The following KLC3 variants were observed in gnomAD, a reference collection of about 807,000 sequenced individuals.
KLC3 encodes the protein kinesin light chain 2.
A neutral mutation model predicts 62.9 loss-of-function variants in KLC3; 72 were observed. That is an observed-to-expected ratio of 1.15 (90% confidence interval 0.95 to 1.39). KLC3 has a LOEUF of 1.39. Ranked by LOEUF, KLC3 falls within the 40% of genes most tolerant of loss-of-function variation. KLC3 has a pLI of 0.00. For synonymous variants in KLC3, 377 were observed against 300.5 expected (o/e 1.25, Z -2.63); for missense variants, 848 against 691.6 (o/e 1.23, Z -2.54).
chr19:45,351,056 G>A, intron 12 of KLC3, 39 bp downstream of exon 12: 1 of 1,613,936 alleles, frequency 6.2e-7, no homozygotes, highest in Non-Finnish European at 8.5e-7. Flanking sequence ...AGGAGGCCAT[G>A]TGGGTAGGTG....
Position 45,345,492 on chromosome 19 carries a change from C to T in KLC3, c.-8-42C>T, listed in dbSNP as rs1411805496. ...TAGAGGCTGGGGGCCAACTGACTGGCCCGGGCAATGATTCCCCAAACCCCT... is the reference window on the plus strand; with the variant it reads ...TAGAGGCTGGGGGCCAACTGACTGGTCCGGGCAATGATTCCCCAAACCCCT... On this transcript the variant is annotated intron_variant, in intron 1 of 12. Transcript: ENST00000391946. 2.6e-6 allele frequency: 4 copies of T among 1,550,960 alleles called. No homozygotes were observed. The East Asian group carries it at 7.3e-5, about 28-fold the overall frequency.
At position 45,350,545 on chromosome 19, in the gene KLC3, A is replaced by C; in HGVS notation, c.1266A>C (p.Ala422=). Residue 422 remains alanine, a synonymous_variant, in exon 10 of 13, where the codon GCA becomes GCC. Coordinates refer to ENST00000391946, the MANE Select transcript of KLC3 (RefSeq NM_177417.3). The part of the protein sequence containing the change: ...GAPNTGTAGD[A]EQALRRSSSL... ...CCAACACAGGCACAGCTGGTGACGC[A>C]GAACAGGTGAGGATGGGCTGTGCTT... 1.2e-6 allele frequency: 2 copies of C among 1,613,764 alleles called. No individual in the cohort carries two copies. The highest frequency in any genetic ancestry group is 1.7e-6 in the Non-Finnish European group (2 of 1,179,944).
Position 45,348,812 on chromosome 19 carries a change from C to G in KLC3, c.868-8C>G, listed in dbSNP as rs770753305. On this transcript the variant is annotated splice_polypyrimidine_tract_variant and splice_region_variant and intron_variant, in intron 6 of 12. Transcript: ENST00000391946. Reference sequence around the variant, plus strand: ...CATCCCTGACCTGTGCCTCCCCCAACCCCGCAGGTGGCCGCCACGCTCAAC... The same window carrying G: ...CATCCCTGACCTGTGCCTCCCCCAAGCCCGCAGGTGGCCGCCACGCTCAAC... 2.9e-5 allele frequency: 46 copies of G among 1,563,702 alleles called. No homozygotes were observed. The highest frequency in any genetic ancestry group is 1.7e-4 in the Middle Eastern group (1 of 5,998).
rs1568523644 is a variant in KLC3 at position 45,347,924 on chromosome 19, C to T, written c.560-17C>T. ...AGGAGGCTTGCAGTGACCCAGAGCC[C>T]ACCCCACCCCACCTAGGTCCTGAGG... On this transcript the variant is annotated splice_polypyrimidine_tract_variant and intron_variant, in intron 4 of 12. Coordinates refer to ENST00000391946, the MANE Select transcript of KLC3 (RefSeq NM_177417.3). 1.3e-6 allele frequency: 2 copies of T among 1,581,118 alleles called. No homozygotes were observed. Among genetic ancestry groups the T allele is most frequent in the South Asian group, 1.1e-5 (1 of 87,182 alleles).
intron 11 of KLC3, 92 bp from the exon 12 acceptor site, chr19:45,350,862 A>C (rs1971724453): frequency 1.4e-6 from 2 of 1,464,724 alleles, no homozygotes; most frequent in Middle Eastern, 1.7e-4. Flanking sequence ...CCCCTGTGAT[A>C]CACACAGATC....
At chr19:45,341,185 T>TG (rs1491535062) in intron 1 of KLC3, among the ~76,000 whole-genome samples, 9,204 of 75,798 alleles carry the variant, frequency 0.12, 446 homozygotes, top group African/African-American at 0.31. Context: ...CCTGCCTGTG[T>TG]TTGTGTGTGT....
chr19:45,341,574 T>TGA (rs1202070798), intron 1 of KLC3, among the ~76,000 whole-genome samples: 2 of 124,278 alleles, frequency 1.6e-5, no homozygotes, highest in Non-Finnish European at 3.8e-5. Flanking sequence ...TGTGTGTGTG[T>TGA]GTGTGCGCGC....
chr19:45,349,253 C>T (rs1465344529), intron 7 of KLC3, among the ~76,000 whole-genome samples, 176 bp from the exon 8 acceptor site: 1 of 152,178 alleles, frequency 6.6e-6, no homozygotes, highest in Non-Finnish European at 1.5e-5. Flanking sequence ...ACCACCATGA[C>T]CTCTGACCTT....
chr19:45,349,303 C>T, intron 7 of KLC3, 126 bp from the exon 8 acceptor site: 1 of 985,020 alleles, frequency 1.0e-6, no homozygotes, highest in Non-Finnish European at 1.5e-6. Context: ...TCCCCAGCCC[C>T]CAACCTCTCA....
chr19:45,349,570 G>A lies in KLC3; in HGVS notation c.1111G>A (p.Asp371Asn), dbSNP rs761851594. 1 of 1,613,430 alleles carries A rather than the reference G, an allele frequency of 6.2e-7. No homozygotes were observed. The highest frequency in any genetic ancestry group is 8.5e-7 in the Non-Finnish European group (1 of 1,179,590). ...SIYEALGGPHDPNVAKTKNNL... is the reference protein window; with the variant it reads ...SIYEALGGPHNPNVAKTKNNL... ...CTATGAGGCACTGGGCGGGCCCCAT[G>A]ACCCCAACGTGGCCAAGACCAAGAA... Residue 371 changes from aspartate (D) to asparagine (N), a missense_variant, in exon 8 of 13, where the codon GAC (aspartate) becomes AAC (asparagine). Coordinates refer to ENST00000391946, the MANE Select transcript of KLC3 (RefSeq NM_177417.3).
chr19:45,345,570 G>A lies in KLC3; in HGVS notation c.29G>A (p.Ser10Asn), dbSNP rs1445509872. ...TCTGTGCAGGTAGCGGCTCCTGGAAGTGCAGGGCTGGGCCCAGAGCGCCTG... is the reference window on the plus strand; with the variant it reads ...TCTGTGCAGGTAGCGGCTCCTGGAAATGCAGGGCTGGGCCCAGAGCGCCTG... MSVQVAAPGSAGLGPERLSP... is the reference protein window; with the variant it reads MSVQVAAPGNAGLGPERLSP... Residue 10 changes from serine (S) to asparagine (N), a missense_variant, in exon 2 of 13, where the codon AGT becomes AAT. Ser to Asn is a conservative substitution (Grantham distance 46, BLOSUM62 1). Coordinates refer to ENST00000391946, the MANE Select transcript of KLC3 (RefSeq NM_177417.3). The A allele has an allele frequency of 1.3e-6, 2 of 1,566,348 alleles. No individual in the cohort carries two copies. Among genetic ancestry groups the A allele is most frequent in the African/African-American group, 1.4e-5 (1 of 73,950 alleles).
In KLC3 at chr19:45,345,709, C is replaced by T; in HGVS notation, c.168C>T (p.Gly56=). The change falls in exon 2 of 13, where the codon GGC becomes GGT. Residue 56 remains glycine, a synonymous_variant. Transcript: ENST00000391946. ...TGGCGGAGGCCCTGGCGGGACAGGG[C>T]CCGGCAGCCGGCTTGGAGATGCTGG... is the stretch of plus-strand genomic sequence containing the variant. ...GHLAEALAGQ[G]PAAGLEMLEE... 1 of 1,565,956 alleles carries T rather than the reference C, an allele frequency of 6.4e-7. No homozygotes were observed.
Position 45,347,951 on chromosome 19 carries a change from C to A in KLC3, c.570C>A (p.Ala190=), listed in dbSNP as rs368478144. ...CCCCACCCCACCTAGGTCCTGAGGC[C>A]GCAGGAGCAGCAGCTGCTCAGCAGG... The part of the protein sequence containing the change: ...SEEEERKGPE[A]AGAAAAQQGG... The change falls in exon 5 of 13, where the codon GCC becomes GCA. Residue 190 remains alanine (A), a synonymous_variant. Transcript: ENST00000391946. 38 of 1,603,330 alleles carry A rather than the reference C, an allele frequency of 2.4e-5. 1 individual carries two copies. The South Asian group carries it at 4.0e-4, about 17-fold the overall frequency.
Position 45,350,625 on chromosome 19 carries a change from C to T in KLC3, c.1273-16C>T. On this transcript the variant is annotated splice_polypyrimidine_tract_variant and intron_variant, in intron 10 of 12. Coordinates refer to ENST00000391946, the MANE Select transcript of KLC3 (RefSeq NM_177417.3). ...TGGGCCTGGGGGACTGAGCAGCATC[C>T]CCGGCCCCTCCCCAGGCCCTTCGCC... is the stretch of plus-strand genomic sequence containing the variant. 6.2e-7 allele frequency: 1 copy of T among 1,613,264 alleles called. No individual in the cohort carries two copies. Among genetic ancestry groups the T allele is most frequent in the Non-Finnish European group, 8.5e-7 (1 of 1,179,394 alleles).
intron 1 of KLC3, among the ~76,000 whole-genome samples, chr19:45,341,554 G>GGTGTGTGTGC (rs1971394373): frequency 6.9e-6 from 1 of 144,016 alleles, no homozygotes; most frequent in Admixed American, 6.9e-5. Flanking sequence ...TCTGCCTGTT[G>GGTGTGTGTGC]GTGTGTGTGT....
rs199779122 is a variant in KLC3, at chr19:45,347,536, G to A, written c.559+20G>A. On this transcript the variant is annotated intron_variant, in intron 4 of 12. Coordinates refer to ENST00000391946, the MANE Select transcript of KLC3 (RefSeq NM_177417.3). ...GGAAAGGTGGGTGTTGGGAGTACATGCCACAGAGGATGGCAGGCCAGGGTG... is the reference window on the plus strand; with the variant it reads ...GGAAAGGTGGGTGTTGGGAGTACATACCACAGAGGATGGCAGGCCAGGGTG... The A allele has an allele frequency of 3.2e-5, 51 of 1,596,244 alleles. No homozygotes were observed. The African/African-American group carries it at 6.3e-4, about 20-fold the overall frequency.
intron 5 of KLC3, 81 bp downstream of exon 5, chr19:45,348,241 C>T: frequency 1.5e-6 from 2 of 1,291,822 alleles, no homozygotes; most frequent in Admixed American, 4.4e-5. Context: ...CTGGTGCCCC[C>T]TCTGTCACCA....
Position 45,348,806 on chromosome 19 carries a change from C to G in KLC3, c.868-14C>G. 6.4e-7 allele frequency: 1 copy of G among 1,562,792 alleles called. No homozygotes were observed. Among genetic ancestry groups the G allele is most frequent in the Non-Finnish European group, 8.7e-7 (1 of 1,153,328 alleles). ...CCTGCCCATCCCTGACCTGTGCCTC[C>G]CCCAACCCCGCAGGTGGCCGCCACG... is the stretch of plus-strand genomic sequence containing the variant. On this transcript the variant is annotated splice_polypyrimidine_tract_variant and intron_variant, in intron 6 of 12. Transcript: ENST00000391946.
At chr19:45,349,068 C>A in intron 7 of KLC3, 147 bp downstream of exon 7, 1 of 720,038 alleles carries the variant, frequency 1.4e-6, no homozygotes, top group Non-Finnish European at 2.3e-6. Context: ...ATCACCCAAC[C>A]CATCACCCTT....
Sources: gnomAD v4.1 joint callset for allele counts (sites outside exome capture counted in the v4.1 genomes callset) on GRCh38, gnomAD v4.1.1 for gene constraint, MANE v1.5 for transcripts, NCBI Gene and HGNC (gene_info 2026-07-23, HGNC 2026-07-21) for gene names.